Variants in TBC1D19 observed in about 807,000 individuals in gnomAD.
The protein encoded by TBC1D19 is TBC1 domain family member 19, also known as TBC1 domain family, member 19.
In TBC1D19, 60 loss-of-function variants were observed where a neutral mutation model predicts 89.0. The observed-to-expected ratio is 0.67, with a 90% CI of 0.55 to 0.84. The LOEUF (loss-of-function observed/expected upper bound fraction) is 0.84, where lower values mean the gene tolerates loss of function less well. TBC1D19 is among the 40% of genes least tolerant of loss of function. The pLI, the probability that TBC1D19 is intolerant of heterozygous loss-of-function variation, is 0.00. For missense variants in TBC1D19, 500 were observed against 610.8 expected, an observed-to-expected ratio of 0.82 and a Z score of 1.91; for synonymous variants, 189 against 199.7, an observed-to-expected ratio of 0.95 and a Z score of 0.45.
At chr4:26,620,797 G>A in intron 4 of TBC1D19, 109 bp downstream of exon 4, 1 of 884,094 alleles carries the variant, frequency 1.1e-6, no homozygotes, top group Non-Finnish European at 1.7e-6. Flanking sequence ...TGAAATACTG[G>A]GTAAGAACCA....
intron 10 of TBC1D19, among the ~76,000 whole-genome samples, chr4:26,673,451 A>ACACACACACG (rs1712514361): frequency 1.4e-5 from 2 of 147,166 alleles, no homozygotes; most frequent in Non-Finnish European, 3.0e-5. Context: ...ATATATACAC[A>ACACACACACG]CACACACACA....
intron 19 of TBC1D19, 46 bp from the exon 20 acceptor site, chr4:26,753,774 G>C: frequency 6.2e-7 from 1 of 1,609,516 alleles, no homozygotes; most frequent in Non-Finnish European, 8.5e-7. Context: ...ACCGTGCCGG[G>C]CTGATGAGTA....
At chr4:26,675,139 A>G (rs1005202526) in intron 11 of TBC1D19, among the ~76,000 whole-genome samples, 3 of 152,090 alleles carry the variant, frequency 2.0e-5, no homozygotes, top group African/African-American at 7.2e-5. Context: ...GAGTGTATCA[A>G]TTCTTGTAGA....
chr4:26,810,183 C>T, the TBC1D19 span, among the ~76,000 whole-genome samples: 1 of 152,198 alleles, frequency 6.6e-6, no homozygotes, highest in Admixed American at 6.5e-5. Context: ...CCGAGGTGCT[C>T]ACAGCAGCAA....
the TBC1D19 span, among the ~76,000 whole-genome samples, chr4:26,826,777 CGGGTGG>C: frequency 6.6e-6 from 1 of 152,084 alleles, no homozygotes; most frequent in Non-Finnish European, 1.5e-5. Flanking sequence ...GCCCCGGTGG[CGGGTGG>C]ATGTTTATAA....
intron 1 of TBC1D19, among the ~76,000 whole-genome samples, chr4:26,594,705 C>T (rs1294123541): frequency 2.6e-5 from 4 of 152,196 alleles, no homozygotes; most frequent in Admixed American, 6.5e-5. Context: ...GAAATGCTAA[C>T]GTAACTTAAC....
At chr4:26,643,739 G>C (rs1337790936) in intron 7 of TBC1D19, among the ~76,000 whole-genome samples, 2 of 152,116 alleles carry the variant, frequency 1.3e-5, no homozygotes, top group East Asian at 3.9e-4. Flanking sequence ...AAATGCTAAA[G>C]GGAATATCAC....
chr4:26,600,826 G>T (rs1213406651), intron 1 of TBC1D19, among the ~76,000 whole-genome samples: 1 of 152,192 alleles, frequency 6.6e-6, no homozygotes, highest in East Asian at 1.9e-4. Context: ...TCTGAAACTA[G>T]AGCTTATTCC....
In TBC1D19 at chr4:26,673,884, C is replaced by T; in HGVS notation, c.812C>T (p.Pro271Leu). 1 of 1,582,360 alleles carries T rather than the reference C, an allele frequency of 6.3e-7. No individual in the cohort carries two copies. Among genetic ancestry groups the T allele is most frequent in the Admixed American group, 1.7e-5 (1 of 57,146 alleles). ...CTCATTTTGAATATTTCCAGCCAAC[C>T]TGAGGTAAGAAGAAAAAAAGGGTGG... is the stretch of plus-strand genomic sequence containing the variant. The part of the protein sequence containing the change: ...WALILNISSQ[P>L]EDVLYYEQLK... The change falls in exon 11 of 21, where the codon CCT (proline) becomes CTT (leucine). Residue 271 changes from proline to leucine, a missense_variant. This residue lies in a region of TBC1D19 where 220 missense variants were observed against 319.1 expected (regional missense o/e 0.69). Transcript: ENST00000264866.
chr4:26,757,492 A>G (rs999003147), downstream of TBC1D19, among the ~76,000 whole-genome samples: 5 of 152,192 alleles, frequency 3.3e-5, no homozygotes, highest in African/African-American at 1.2e-4. Flanking sequence ...CTAATAGGCA[A>G]ATTGTATTTG....
chr4:26,742,904 G>T (rs1718451572), intron 18 of TBC1D19, among the ~76,000 whole-genome samples: 1 of 151,918 alleles, frequency 6.6e-6, no homozygotes, highest in African/African-American at 2.4e-5. Context: ...AAACATTTGT[G>T]GAAACAAATA....
In TBC1D19 at chr4:26,756,184, T is replaced by C. The variant is rs1263047381; in HGVS notation, c.*1237T>C. On this transcript the variant is annotated 3_prime_UTR_variant, in exon 21 of 21. Transcript: ENST00000264866. ...GCTGAATAATAATTTATTCCATGATTGATTCTTAATAAACCCCATTTTATT... is the reference window on the plus strand; with the variant it reads ...GCTGAATAATAATTTATTCCATGATCGATTCTTAATAAACCCCATTTTATT... 1.3e-5 allele frequency among the ~76,000 whole-genome samples: 2 copies of C among 152,220 alleles called. No individual in the cohort carries two copies. The highest frequency in any genetic ancestry group is 4.8e-5 in the African/African-American group (2 of 41,456).
chr4:26,679,644 A>G (rs1326285640), intron 11 of TBC1D19, among the ~76,000 whole-genome samples: 1 of 152,184 alleles, frequency 6.6e-6, no homozygotes, highest in Non-Finnish European at 1.5e-5. Flanking sequence ...AGAATGGTAG[A>G]TTCACTAACA....
chr4:26,696,659 T>A (rs1714813029), intron 13 of TBC1D19, among the ~76,000 whole-genome samples: 1 of 152,174 alleles, frequency 6.6e-6, no homozygotes, highest in South Asian at 2.1e-4. Flanking sequence ...ACAAACTGTC[T>A]CTCAGACCAC....
At position 26,659,653 on chromosome 4, in the gene TBC1D19, G is replaced by T. The variant is rs775935197; in HGVS notation, c.537G>T (p.Arg179Ser). The change falls in exon 8 of 21, where the codon AGG becomes AGT. Residue 179 changes from arginine to serine, a missense_variant. By Grantham distance (110) the Arg-to-Ser change is moderately radical. Coordinates refer to ENST00000264866, the MANE Select transcript of TBC1D19 (RefSeq NM_018317.4). ...AAAACGGTGATTCTCTTAGTTTCAG[G>T]ACTCATTTGGGTTTAATTCAAGTTC... is the stretch of plus-strand genomic sequence containing the variant. ...NYENGDSLSF[R>S]THLGLIQVPL... 5.0e-5 allele frequency: 79 copies of T among 1,595,792 alleles called. No homozygotes were observed. Among genetic ancestry groups the T allele is most frequent in the Non-Finnish European group, 6.3e-5 (73 of 1,167,240 alleles).
intron 13 of TBC1D19, among the ~76,000 whole-genome samples, chr4:26,706,431 C>T (rs1167806095): frequency 2.0e-5 from 3 of 151,680 alleles, no homozygotes; most frequent in African/African-American, 2.4e-5. Flanking sequence ...TTTCTTAGTC[C>T]TTCTAGCTCA....
chr4:26,613,296 T>C (rs915162881), intron 2 of TBC1D19, 55 bp downstream of exon 2: 1 of 1,163,574 alleles, frequency 8.6e-7, no homozygotes, highest in African/African-American at 1.6e-5. Context: ...TTTTATTTAT[T>C]CCTAATTCTT....
chr4:26,585,212 A>C (rs1236768435), intron 1 of TBC1D19: 1 of 444,662 alleles, frequency 2.2e-6, no homozygotes, highest in East Asian at 7.3e-5. Context: ...TTCTATGAGA[A>C]ACTGTCACAC....
In TBC1D19 at chr4:26,615,937, C is replaced by G. The variant is rs1577807326; in HGVS notation, c.218+1484C>G. Among the ~76,000 whole-genome samples, 4 of 152,074 alleles carry G rather than the reference C, an allele frequency of 2.6e-5. No individual in the cohort carries two copies. In the South Asian group the frequency reaches 8.3e-4, roughly 31 times the overall value. ...ATTACTGATATTCCTGAAAATTGTT[C>G]TGTGTGACCTACTGACCTTTTACTT... On this transcript the variant is annotated intron_variant, in intron 3 of 20. Transcript: ENST00000264866.
Sources: allele counts gnomAD v4.1 joint callset (sites outside exome capture counted in the v4.1 genomes callset), GRCh38; gene constraint gnomAD v4.1.1; regional missense constraint gnomAD v4.1.1; transcripts MANE v1.5; gene names NCBI Gene and HGNC (gene_info 2026-07-23, HGNC 2026-07-21).